The following SLC24A2 variants were observed in gnomAD, a reference collection of about 807,000 sequenced individuals.
SLC24A2 encodes solute carrier family 24 member 2.
A neutral mutation model predicts 62.0 loss-of-function variants in SLC24A2; 36 were observed. The ratio of observed to expected loss-of-function variants is 0.58; its 90% CI spans 0.44 to 0.77. The LOEUF is 0.77. SLC24A2 is among the 30% of genes least tolerant of loss of function. SLC24A2 has a pLI of 0.00. For synonymous variants in SLC24A2, 358 were observed against 294.0 expected (o/e 1.22, Z -2.23); for missense variants, 846 against 817.9 (o/e 1.03, Z -0.42).
rs772837522 is a variant in SLC24A2, at chr9:19,677,708, A to G, written c.931-55409T>C. On this transcript the variant is annotated intron_variant, in intron 2 of 10. Transcript: ENST00000341998. ...TTTTAAAAACTATACAAATACATTT[A>G]CATATCTAAATATTGTATACAATAT... 5.0e-4 allele frequency among the ~76,000 whole-genome samples: 76 copies of G among 152,044 alleles called. 1 individual carries two copies. Among genetic ancestry groups the G allele is most frequent in the South Asian group, 2.1e-3 (10 of 4,822 alleles).
the SLC24A2 span, among the ~76,000 whole-genome samples, chr9:20,273,606 A>T: frequency 3.1e-4 from 47 of 152,292 alleles, 1 homozygote; most frequent in East Asian, 8.5e-3. Flanking sequence ...TGCCATCCAC[A>T]TAAGACGTGA....
At chr9:20,229,255 T>A in the SLC24A2 span, among the ~76,000 whole-genome samples, 1 of 152,180 alleles carries the variant, frequency 6.6e-6, no homozygotes, top group African/African-American at 2.4e-5. Flanking sequence ...AAATCCAGGC[T>A]CTGTTACTTA....
intron 4 of SLC24A2, among the ~76,000 whole-genome samples, chr9:19,612,338 T>G (rs1368686956): frequency 6.6e-6 from 1 of 152,170 alleles, no homozygotes; most frequent in African/African-American, 2.4e-5. Flanking sequence ...CTTCATTTGT[T>G]TTAGTTTCCT....
the SLC24A2 span, among the ~76,000 whole-genome samples, chr9:19,909,557 T>C: frequency 2.0e-5 from 3 of 152,024 alleles, no homozygotes; most frequent in Non-Finnish European, 4.4e-5. Context: ...TAAGGGACTA[T>C]AAATTATGGA....
At chr9:20,034,843 G>A in the SLC24A2 span, among the ~76,000 whole-genome samples, 747 of 152,262 alleles carry the variant, frequency 4.9e-3, 9 homozygotes, top group African/African-American at 0.017. Context: ...GTTGGTGAAT[G>A]TTCAATAGGA....
At chr9:19,988,822 C>T in the SLC24A2 span, among the ~76,000 whole-genome samples, 1 of 152,150 alleles carries the variant, frequency 6.6e-6, no homozygotes, top group Admixed American at 6.5e-5. Context: ...CCAAATCACA[C>T]ACTCCCCTTT....
intron 4 of SLC24A2, among the ~76,000 whole-genome samples, chr9:19,597,929 T>C (rs1836742683): frequency 6.6e-6 from 1 of 152,024 alleles, no homozygotes; most frequent in Non-Finnish European, 1.5e-5. Context: ...GACTAAGGCA[T>C]TGGTGGCTGC....
the SLC24A2 span, among the ~76,000 whole-genome samples, chr9:19,825,274 A>G: frequency 3.9e-5 from 6 of 152,198 alleles, no homozygotes; most frequent in African/African-American, 1.4e-4. Flanking sequence ...TAGCAATAGA[A>G]AGTCCAAGAT....
At chr9:19,950,390 G>T in the SLC24A2 span, among the ~76,000 whole-genome samples, 1 of 152,154 alleles carries the variant, frequency 6.6e-6, no homozygotes, top group Non-Finnish European at 1.5e-5. Context: ...TATAAAATCT[G>T]TCCAGGGCCA....
chr9:20,181,381 A>C, the SLC24A2 span, among the ~76,000 whole-genome samples: 1 of 152,176 alleles, frequency 6.6e-6, no homozygotes, highest in Non-Finnish European at 1.5e-5. Flanking sequence ...GATGACTTCA[A>C]ACTATGCTAC....
intron 7 of SLC24A2, among the ~76,000 whole-genome samples, chr9:19,564,068 C>A (rs1372533260): frequency 6.6e-6 from 1 of 151,872 alleles, no homozygotes; most frequent in African/African-American, 2.4e-5. Context: ...GTTGCCCAGG[C>A]TAGTCTCAAA....
At chr9:19,884,846 G>A in the SLC24A2 span, among the ~76,000 whole-genome samples, 3 of 152,136 alleles carry the variant, frequency 2.0e-5, no homozygotes, top group Non-Finnish European at 4.4e-5. Flanking sequence ...CATGTTTAAG[G>A]TAGGTTAGAC....
chr9:19,708,859 G>T (rs1339607204), intron 2 of SLC24A2, among the ~76,000 whole-genome samples: 1 of 152,180 alleles, frequency 6.6e-6, no homozygotes, highest in Non-Finnish European at 1.5e-5. Flanking sequence ...AGGACTGCAT[G>T]TCTAAAACAC....
the SLC24A2 span, among the ~76,000 whole-genome samples, chr9:20,233,763 GTCA>G: frequency 3.3e-5 from 5 of 152,170 alleles, no homozygotes; most frequent in Non-Finnish European, 5.9e-5. Context: ...ATTTGATCCT[GTCA>G]TTATGATGTT....
chr9:20,132,900 G>T, the SLC24A2 span, among the ~76,000 whole-genome samples: 2 of 152,018 alleles, frequency 1.3e-5, no homozygotes, highest in African/African-American at 4.8e-5. Flanking sequence ...TTACTAAGTG[G>T]TATAATCTAT....
At chr9:20,034,443 C>A in the SLC24A2 span, among the ~76,000 whole-genome samples, 1 of 147,462 alleles carries the variant, frequency 6.8e-6, no homozygotes, top group Non-Finnish European at 1.5e-5. Flanking sequence ...AACACTCTGG[C>A]CTTTTAAGTT....
chr9:19,605,953 T>C (rs1466553340), intron 4 of SLC24A2, among the ~76,000 whole-genome samples: 2 of 152,214 alleles, frequency 1.3e-5, no homozygotes, highest in African/African-American at 4.8e-5. Context: ...AGTAACTAAC[T>C]CTGCTACTTC....
In SLC24A2 at chr9:19,622,296, A is replaced by G; in HGVS notation, c.934T>C (p.Ser312Pro). ...GGTTCATCCTTGTCCCTGGCTGCAGATGGCTGCATAAGAGAAAAAGGCAAA... is the reference window on the plus strand; with the variant it reads ...GGTTCATCCTTGTCCCTGGCTGCAGGTGGCTGCATAAGAGAAAAAGGCAAA... ...VTAPEAQAKPSAARDKDEPTL... is the reference protein window; with the variant it reads ...VTAPEAQAKPPAARDKDEPTL... The change falls in exon 3 of 11, where the codon TCT becomes CCT. Residue 312 changes from serine (S) to proline (P), a missense_variant. Coordinates refer to ENST00000341998, the MANE Select transcript of SLC24A2 (RefSeq NM_020344.4). 6.2e-7 allele frequency: 1 copy of G among 1,613,048 alleles called. No homozygotes were observed. Among genetic ancestry groups the G allele is most frequent in the South Asian group, 1.1e-5 (1 of 91,024 alleles).
At chr9:19,811,111 G>A in the SLC24A2 span, among the ~76,000 whole-genome samples, 1 of 152,154 alleles carries the variant, frequency 6.6e-6, no homozygotes, top group Admixed American at 6.5e-5. Flanking sequence ...GAGGTAATTA[G>A]GACATGAGGG....
Sources: gnomAD v4.1 joint callset for allele counts (sites outside exome capture counted in the v4.1 genomes callset) on GRCh38, gnomAD v4.1.1 for gene constraint, MANE v1.5 for transcripts, NCBI Gene and HGNC (gene_info 2026-07-23, HGNC 2026-07-21) for gene names.